CALN1: variants seen among roughly 807,000 people sequenced by gnomAD.
The protein encoded by CALN1 is calcium-binding protein 8.
CALN1 carries 17 observed loss-of-function variants against 30.6 expected under a neutral mutation model. The observed-to-expected ratio is 0.56, with a 90% confidence interval of 0.38 to 0.83. The LOEUF (loss-of-function observed/expected upper bound fraction) is 0.83, where lower values mean the gene tolerates loss of function less well. Among genes scored for constraint, CALN1 ranks in the 40% least tolerant of loss-of-function variants. CALN1 has a pLI of 0.00. For synonymous variants in CALN1, 156 were observed against 131.4 expected (o/e 1.19, Z -1.28); for missense variants, 291 against 354.9 (o/e 0.82, Z 1.45).
intron 5 of CALN1, among the ~76,000 whole-genome samples, chr7:71,835,384 G>C (rs1273652704): frequency 6.6e-6 from 1 of 152,156 alleles, no homozygotes; most frequent in Non-Finnish European, 1.5e-5. Context: ...GGCGGCACGG[G>C]GTAAGTGGTA....
intron 2 of CALN1, among the ~76,000 whole-genome samples, chr7:72,316,163 G>C: frequency 6.6e-6 from 1 of 150,504 alleles, no homozygotes; most frequent in African/African-American, 2.4e-5. Flanking sequence ...AAGAAAGAAA[G>C]AAAAAAAAGA....
At chr7:72,368,653 A>T (rs187907745) in intron 2 of CALN1, among the ~76,000 whole-genome samples, 1 of 152,268 alleles carries the variant, frequency 6.6e-6, no homozygotes, top group East Asian at 1.9e-4. Context: ...AGGTCATCTG[A>T]AAGTGATTGA....
chr7:72,169,680 TTTTTCTTTTTTCC>T (rs1327032210), intron 3 of CALN1, among the ~76,000 whole-genome samples: 1 of 151,950 alleles, frequency 6.6e-6, no homozygotes, highest in Non-Finnish European at 1.5e-5. Flanking sequence ...TGTTATTTTC[TTTTTCTTTTTTCC>T]TTTTCTTTTC....
chr7:71,986,023 T>C (rs918746195), intron 5 of CALN1, among the ~76,000 whole-genome samples: 2 of 151,950 alleles, frequency 1.3e-5, no homozygotes, highest in South Asian at 4.1e-4. Flanking sequence ...AAATAATCTA[T>C]ATTGACACGC....
intron 3 of CALN1, among the ~76,000 whole-genome samples, chr7:72,123,496 G>C (rs1808533889): frequency 6.6e-6 from 1 of 152,136 alleles, no homozygotes; most frequent in African/African-American, 2.4e-5. Context: ...GCCATGTCTT[G>C]TTTCTAATTT....
rs35736777 is a variant in CALN1, at chr7:72,217,832, ATTTTTTTT to A, written c.244+60846_244+60853del. Among the ~76,000 whole-genome samples, 616 of 67,334 alleles carry A rather than the reference ATTTTTTTT, an allele frequency of 9.1e-3. 1 individual carries two copies. Among genetic ancestry groups the A allele is most frequent in the Admixed American group, 0.014 (69 of 4,836 alleles). The allele number at this position is 67,334 out of a possible 152,430, so 44.2% of individuals were successfully genotyped here. On this transcript the variant is annotated intron_variant, in intron 3 of 6. Transcript: ENST00000395275. The stretch of plus-strand genomic sequence containing the variant: ...CCAACTCTACAAAAAAATTAAATAA[ATTTTTTTT>A]TTTTTTTTTTTTTTTTTTTTGAGAT...
At chr7:72,428,401 T>TA (rs1249385856) in intron 1 of CALN1, among the ~76,000 whole-genome samples, 180 of 151,766 alleles carry the variant, frequency 1.2e-3, no homozygotes, top group African/African-American at 4.1e-3. Context: ...TTTATTATTT[T>TA]TTTTTTTTGA....
intron 4 of CALN1, among the ~76,000 whole-genome samples, chr7:72,062,775 C>T (rs1028389458): frequency 5.9e-5 from 9 of 152,008 alleles, no homozygotes; most frequent in African/African-American, 1.2e-4. Context: ...AACTCACCAA[C>T]GAAGAAAGAC....
intron 5 of CALN1, among the ~76,000 whole-genome samples, chr7:72,016,413 T>A (rs1800382080): frequency 6.6e-6 from 1 of 151,762 alleles, no homozygotes; most frequent in Admixed American, 6.6e-5. Flanking sequence ...TGTCCATGGG[T>A]CAAGAATTTT....
At chr7:72,302,087 T>G (rs1799306581) in intron 2 of CALN1, among the ~76,000 whole-genome samples, 1 of 150,926 alleles carries the variant, frequency 6.6e-6, no homozygotes. Flanking sequence ...TTTAAAGAAC[T>G]GATGAAATAG....
intron 5 of CALN1, among the ~76,000 whole-genome samples, chr7:71,956,746 G>T (rs1796981112): frequency 6.6e-6 from 1 of 151,900 alleles, no homozygotes; most frequent in Non-Finnish European, 1.5e-5. Flanking sequence ...ACCCAAGTTG[G>T]AGTGCAGTGG....
At chr7:72,382,140 G>C (rs568185298) in intron 2 of CALN1, among the ~76,000 whole-genome samples, 1 of 152,328 alleles carries the variant, frequency 6.6e-6, no homozygotes, top group African/African-American at 2.4e-5. Context: ...AATCAAAGCT[G>C]CAAGTGTTGG....
chr7:72,338,474 T>TGA (rs1802209220), intron 2 of CALN1, among the ~76,000 whole-genome samples: 1 of 90,518 alleles, frequency 1.1e-5, no homozygotes, highest in Admixed American at 1.1e-4. Context: ...CAGCACAGTG[T>TGA]GTGTGTGTGT....
At chr7:72,274,192 G>A (rs977154438) in intron 3 of CALN1, among the ~76,000 whole-genome samples, 2 of 152,072 alleles carry the variant, frequency 1.3e-5, no homozygotes, top group African/African-American at 2.4e-5. Context: ...TCAGATGGAG[G>A]TGAATTTAGT....
intron 5 of CALN1, among the ~76,000 whole-genome samples, chr7:71,841,541 A>T (rs1584345658): frequency 6.6e-6 from 1 of 152,224 alleles, no homozygotes; most frequent in African/African-American, 2.4e-5. Context: ...TCTACCTAAG[A>T]CACTCACACT....
rs561427718 is a variant in CALN1 at position 72,442,949 on chromosome 7, TTTA to T, written c.-226+4090_-226+4092del. Among the ~76,000 whole-genome samples the T allele has an allele frequency of 1.8e-4, 27 of 152,324 alleles. No homozygotes were observed. In the East Asian group the frequency reaches 5.2e-3, roughly 29 times the overall value. ...GGGTTGCACTTATTTAGGATTGCACTTTATTAAGGGTTGCACTTATTTAGGATT... is the reference window on the plus strand; with the variant it reads ...GGGTTGCACTTATTTAGGATTGCACTTTAAGGGTTGCACTTATTTAGGATT... On this transcript the variant is annotated intron_variant, in intron 1 of 6. Coordinates refer to the CALN1 transcript ENST00000395276.
chr7:72,311,220 A>C (rs1409311057), intron 2 of CALN1, among the ~76,000 whole-genome samples: 2 of 152,116 alleles, frequency 1.3e-5, no homozygotes, highest in Non-Finnish European at 2.9e-5. Context: ...TTTCTCTTCT[A>C]TATGGTTTCC....
chr7:71,895,787 G>T (rs528399919), intron 5 of CALN1, among the ~76,000 whole-genome samples: 5 of 152,312 alleles, frequency 3.3e-5, no homozygotes, highest in East Asian at 3.9e-4. Context: ...TCATTCATTA[G>T]AGTTCGTGCT....
intron 2 of CALN1, among the ~76,000 whole-genome samples, chr7:72,293,941 T>C (rs1488862971): frequency 6.6e-6 from 1 of 151,640 alleles, no homozygotes; most frequent in East Asian, 1.9e-4. Context: ...TCCTTAAAAA[T>C]ACAAAAATTA....
Sources: gnomAD v4.1 joint callset for allele counts (sites outside exome capture counted in the v4.1 genomes callset) on GRCh38, gnomAD v4.1.1 for gene constraint, MANE v1.5 for transcripts, NCBI Gene and HGNC (gene_info 2026-07-23, HGNC 2026-07-21) for gene names.